The following NEGR1 variants were observed in gnomAD, a reference collection of about 807,000 sequenced individuals.
NEGR1 encodes neuronal growth regulator 1.
A neutral mutation model predicts 40.9 loss-of-function variants in NEGR1; 10 were observed. The ratio of observed to expected loss-of-function variants is 0.24; its 90% CI spans 0.15 to 0.42. The LOEUF (loss-of-function observed/expected upper bound fraction) is 0.42, where lower values mean the gene tolerates loss of function less well. Among genes scored for constraint, NEGR1 ranks in the 10% least tolerant of loss-of-function variants. The probability of loss-of-function intolerance (pLI) is 1.00; values close to 1 mark genes in which losing one functional copy is unlikely to be tolerated. For missense variants in NEGR1, 352 were observed against 438.9 expected, an observed-to-expected ratio of 0.80 and a Z score of 1.77; for synonymous variants, 185 against 166.8, an observed-to-expected ratio of 1.11 and a Z score of -0.84.
At chr1:71,605,287 C>G (rs561876307) in intron 5 of NEGR1, among the ~76,000 whole-genome samples, 7 of 152,142 alleles carry the variant, frequency 4.6e-5, no homozygotes, top group South Asian at 2.1e-4. Context: ...CTAAGTCAAG[C>G]TAACATATCA....
intron 3 of NEGR1, among the ~76,000 whole-genome samples, chr1:71,698,615 T>C (rs1349832004): frequency 6.6e-6 from 1 of 151,868 alleles, no homozygotes; most frequent in Non-Finnish European, 1.5e-5. Flanking sequence ...TTGAAAAAAG[T>C]ATATATATTT....
intron 1 of NEGR1, among the ~76,000 whole-genome samples, chr1:72,263,305 G>A (rs543018501): frequency 6.6e-6 from 1 of 151,754 alleles, no homozygotes; most frequent in African/African-American, 2.4e-5. Flanking sequence ...TCATATTAAA[G>A]AGAAGTTTAC....
At chr1:71,626,490 C>T (rs1034561555) in intron 4 of NEGR1, among the ~76,000 whole-genome samples, 4 of 151,306 alleles carry the variant, frequency 2.6e-5, no homozygotes, top group Non-Finnish European at 4.4e-5. Flanking sequence ...CAGTAGTTTG[C>T]TGAGAATGAT....
chr1:71,720,217 G>A (rs1177064632), intron 3 of NEGR1, among the ~76,000 whole-genome samples: 1 of 152,130 alleles, frequency 6.6e-6, no homozygotes, highest in Non-Finnish European at 1.5e-5. Context: ...AGTGTATAGA[G>A]GAATATATTG....
At chr1:72,075,711 AG>A (rs921032021) in intron 1 of NEGR1, among the ~76,000 whole-genome samples, 3 of 152,178 alleles carry the variant, frequency 2.0e-5, no homozygotes, top group African/African-American at 7.2e-5. Context: ...GTTTAGCCTT[AG>A]GAAGTCCATT....
intron 1 of NEGR1, among the ~76,000 whole-genome samples, chr1:71,937,800 T>C (rs1645921042): frequency 2.0e-5 from 3 of 152,100 alleles, no homozygotes; most frequent in Admixed American, 2.0e-4. Flanking sequence ...GAAAATTAAT[T>C]ATTAGTGGAT....
At chr1:72,064,362 A>G (rs1459444711) in intron 1 of NEGR1, among the ~76,000 whole-genome samples, 1 of 152,056 alleles carries the variant, frequency 6.6e-6, no homozygotes, top group African/African-American at 2.4e-5. Flanking sequence ...CCAGGCATGT[A>G]GAGGAGCTGA....
chr1:71,946,512 T>C lies in NEGR1; in HGVS notation c.177-11201A>G, dbSNP rs1161016542. ...TCCAAAGAAATCGAATTAAGAGTGATGTGATGTTCATTAACAGCCATTTAA... is the reference window on the plus strand; with the variant it reads ...TCCAAAGAAATCGAATTAAGAGTGACGTGATGTTCATTAACAGCCATTTAA... On this transcript the variant is annotated intron_variant, in intron 1 of 6. Coordinates refer to ENST00000357731, the MANE Select transcript of NEGR1 (RefSeq NM_173808.3). Among the ~76,000 whole-genome samples, 6 of 141,686 alleles carry C rather than the reference T, an allele frequency of 4.2e-5. No homozygotes were observed. The East Asian group carries it at 1.2e-3, about 27-fold the overall frequency. The allele number at this position is 141,686 out of a possible 152,430, so 93.0% of individuals were successfully genotyped here. A position where few individuals can be genotyped will look rare whatever the true frequency, so the allele number is the denominator to read the frequency against.
At chr1:71,726,962 G>T (rs1654696450) in intron 3 of NEGR1, among the ~76,000 whole-genome samples, 1 of 152,034 alleles carries the variant, frequency 6.6e-6, no homozygotes, top group African/African-American at 2.4e-5. Flanking sequence ...CTAATATAGT[G>T]CATAGCCTGA....
At chr1:71,811,927 T>C (rs931910252) in intron 2 of NEGR1, among the ~76,000 whole-genome samples, 1 of 144,986 alleles carries the variant, frequency 6.9e-6, no homozygotes, top group Non-Finnish European at 1.5e-5. Flanking sequence ...AGGATACAGG[T>C]GCATGGCATG....
At chr1:71,535,251 C>T (rs188302445) in intron 6 of NEGR1, among the ~76,000 whole-genome samples, 1 of 151,578 alleles carries the variant, frequency 6.6e-6, no homozygotes, top group South Asian at 2.1e-4. Flanking sequence ...CTTCAATTTC[C>T]TCGACTGTTT....
intron 2 of NEGR1, among the ~76,000 whole-genome samples, chr1:71,894,145 C>A (rs1313774445): frequency 7.5e-6 from 1 of 133,050 alleles, no homozygotes; most frequent in African/African-American, 2.8e-5. Context: ...GTGGGTGCAG[C>A]GCACCAGCAT....
intron 1 of NEGR1, among the ~76,000 whole-genome samples, chr1:72,015,220 T>G (rs1182538920): frequency 6.6e-6 from 1 of 152,124 alleles, no homozygotes; most frequent in African/African-American, 2.4e-5. Flanking sequence ...AGAAGAAACA[T>G]ACTGAATGAA....
intron 2 of NEGR1, among the ~76,000 whole-genome samples, chr1:71,868,924 C>T (rs1660198378): frequency 6.6e-6 from 1 of 152,118 alleles, no homozygotes. Flanking sequence ...ACAGGCCCTT[C>T]ATCAGGCTCT....
intron 2 of NEGR1, among the ~76,000 whole-genome samples, chr1:71,779,920 G>C (rs1444367672): frequency 2.6e-5 from 4 of 151,752 alleles, no homozygotes; most frequent in African/African-American, 9.7e-5. Context: ...GTGGTATAGA[G>C]AATTGGTCAA....
At chr1:72,020,579 A>T (rs1313946033) in intron 1 of NEGR1, among the ~76,000 whole-genome samples, 2 of 149,366 alleles carry the variant, frequency 1.3e-5, no homozygotes, top group East Asian at 4.3e-4. Context: ...CGAACACTGG[A>T]AGTTAAAAGT....
At chr1:71,461,827 T>C (rs1646716446) in intron 6 of NEGR1, 1 of 152,232 alleles carries the variant, frequency 6.6e-6, no homozygotes, top group Non-Finnish European at 1.5e-5. Flanking sequence ...GGTCATTTTC[T>C]CTTTAAATGC....
At chr1:72,136,670 A>G (rs971032150) in intron 1 of NEGR1, among the ~76,000 whole-genome samples, 1 of 151,188 alleles carries the variant, frequency 6.6e-6, no homozygotes, top group Admixed American at 6.6e-5. Flanking sequence ...AAAAAAAAAA[A>G]TCCAAGCACA....
At chr1:72,268,541 G>A (rs1446892216) in intron 1 of NEGR1, among the ~76,000 whole-genome samples, 3 of 151,542 alleles carry the variant, frequency 2.0e-5, no homozygotes, top group South Asian at 4.1e-4. Flanking sequence ...CTCACAGAAA[G>A]TGGATAGCAT....
Sources: gnomAD v4.1 joint callset for allele counts (sites outside exome capture counted in the v4.1 genomes callset) on GRCh38, gnomAD v4.1.1 for gene constraint, MANE v1.5 for transcripts, NCBI Gene and HGNC (gene_info 2026-07-23, HGNC 2026-07-21) for gene names.